RBFOX1: variants seen among roughly 807,000 people sequenced by gnomAD.
RBFOX1 encodes the protein RNA binding fox-1 homolog 1, also known as RNA binding protein fox-1 homolog 1.
A neutral mutation model predicts 57.7 loss-of-function variants in RBFOX1; 8 were observed. That is an observed-to-expected ratio of 0.14 (90% CI 0.08 to 0.25). The LOEUF (loss-of-function observed/expected upper bound fraction) is 0.25. Ranked by LOEUF, RBFOX1 falls within the 10% of genes least tolerant of loss-of-function variation. The probability of loss-of-function intolerance (pLI) is 1.00; values close to 1 mark genes in which losing one functional copy is unlikely to be tolerated. For missense variants in RBFOX1, 611 were observed against 548.5 expected, an observed-to-expected ratio of 1.11 and a Z score of -1.14; for synonymous variants, 326 against 222.4, an observed-to-expected ratio of 1.47 and a Z score of -4.15.
chr16:6,949,998 G>C (rs1287585194), intron 3 of RBFOX1, among the ~76,000 whole-genome samples: 1 of 151,372 alleles, frequency 6.6e-6, no homozygotes, highest in Non-Finnish European at 1.5e-5. Context: ...CCAGGCTGGA[G>C]TGCAGTGGTG....
chr16:5,542,249 T>C (rs2044987538), intron 2 of RBFOX1, among the ~76,000 whole-genome samples: 2 of 56,398 alleles, frequency 3.5e-5, no homozygotes, highest in South Asian at 8.3e-4. Context: ...TATTGATTTT[T>C]TTTTTTTTTT....
intron 4 of RBFOX1, among the ~76,000 whole-genome samples, chr16:7,429,090 C>T (rs1010966720): frequency 1.3e-5 from 2 of 152,126 alleles, no homozygotes; most frequent in Non-Finnish European, 2.9e-5. Flanking sequence ...TGGAGAGGAC[C>T]CGACTCCAGA....
Position 7,192,435 on chromosome 16 carries a change from G to T in RBFOX1, c.27+140337G>T, listed in dbSNP as rs900087841. On this transcript the variant is annotated intron_variant, in intron 4 of 15. Transcript: ENST00000550418. Reference sequence around the variant, plus strand: ...CTCAAATGCCTATAGAGGCCAGAAGGGTCCCTTCAATGGAGATTATAATAC... The same window carrying T: ...CTCAAATGCCTATAGAGGCCAGAAGTGTCCCTTCAATGGAGATTATAATAC... 3.3e-5 allele frequency among the ~76,000 whole-genome samples: 5 copies of T among 152,078 alleles called. No individual in the cohort carries two copies. In the East Asian group the frequency reaches 9.6e-4, roughly 29 times the overall value.
chr16:7,063,342 G>A (rs1263617996), intron 4 of RBFOX1, among the ~76,000 whole-genome samples: 1 of 152,060 alleles, frequency 6.6e-6, no homozygotes, highest in Admixed American at 6.6e-5. Context: ...TAAAGGATCT[G>A]TATCAGTATC....
At chr16:6,096,026 G>C (rs1209200563) in intron 1 of RBFOX1, among the ~76,000 whole-genome samples, 1 of 152,222 alleles carries the variant, frequency 6.6e-6, no homozygotes, top group Admixed American at 6.5e-5. Flanking sequence ...CAGAGTTTAA[G>C]ACGATGGAGA....
chr16:6,856,357 G>A (rs762097338), intron 3 of RBFOX1, among the ~76,000 whole-genome samples: 1 of 152,094 alleles, frequency 6.6e-6, no homozygotes, highest in Non-Finnish European at 1.5e-5. Flanking sequence ...TGAGTAACTA[G>A]GATGATGAGT....
intron 2 of RBFOX1, among the ~76,000 whole-genome samples, chr16:6,523,519 C>A (rs1362706180): frequency 6.6e-6 from 1 of 152,124 alleles, no homozygotes; most frequent in African/African-American, 2.4e-5. Flanking sequence ...TCACTATCAC[C>A]CTATGCTAAC....
chr16:7,281,958 TG>T (rs1169056291), intron 4 of RBFOX1, among the ~76,000 whole-genome samples: 1 of 152,162 alleles, frequency 6.6e-6, no homozygotes, highest in Admixed American at 6.5e-5. Context: ...CTCTACCTCC[TG>T]GGCTCCAGCA....
intron 1 of RBFOX1, among the ~76,000 whole-genome samples, chr16:6,084,790 A>G (rs916370090): frequency 2.6e-5 from 4 of 152,102 alleles, no homozygotes; most frequent in African/African-American, 9.7e-5. Context: ...GTTTTGCAGG[A>G]CAAACGTCTT....
At chr16:6,764,424 G>A (rs929343350) in intron 3 of RBFOX1, among the ~76,000 whole-genome samples, 1 of 152,160 alleles carries the variant, frequency 6.6e-6, no homozygotes, top group Non-Finnish European at 1.5e-5. Context: ...TTACCAGCAG[G>A]TAATGCAGGT....
At chr16:7,092,204 T>G (rs2060976950) in intron 4 of RBFOX1, among the ~76,000 whole-genome samples, 1 of 152,208 alleles carries the variant, frequency 6.6e-6, no homozygotes, top group African/African-American at 2.4e-5. Flanking sequence ...TACCACTGTT[T>G]TATTAGTAGG....
intron 2 of RBFOX1, among the ~76,000 whole-genome samples, chr16:5,573,196 G>C (rs916468141): frequency 6.6e-6 from 1 of 152,200 alleles, no homozygotes; most frequent in Admixed American, 6.5e-5. Flanking sequence ...AAGACTGTTA[G>C]GGTTGACTCC....
At chr16:6,674,228 G>C (rs2098786279) in intron 3 of RBFOX1, among the ~76,000 whole-genome samples, 1 of 152,178 alleles carries the variant, frequency 6.6e-6, no homozygotes, top group African/African-American at 2.4e-5. Flanking sequence ...TTTATTTAGA[G>C]ATAGGGTCTT....
At chr16:7,165,043 T>A (rs1027588704) in intron 4 of RBFOX1, among the ~76,000 whole-genome samples, 10 of 152,148 alleles carry the variant, frequency 6.6e-5, no homozygotes. Context: ...AGCTTCTGGG[T>A]CATAAAGGAG....
At chr16:7,251,531 C>A (rs367996087) in intron 4 of RBFOX1, among the ~76,000 whole-genome samples, 2 of 151,446 alleles carry the variant, frequency 1.3e-5, no homozygotes, top group African/African-American at 4.9e-5. Flanking sequence ...CTGCCTCAGA[C>A]TCCCAAGTAG....
intron 3 of RBFOX1, among the ~76,000 whole-genome samples, chr16:6,958,260 C>T (rs578039292): frequency 6.6e-6 from 1 of 152,302 alleles, no homozygotes; most frequent in South Asian, 2.1e-4. Context: ...CGTTAGCAGG[C>T]TGGGCAATGC....
intron 2 of RBFOX1, among the ~76,000 whole-genome samples, chr16:5,597,649 C>T (rs1283756433): frequency 6.6e-6 from 1 of 152,082 alleles, no homozygotes; most frequent in Non-Finnish European, 1.5e-5. Context: ...ATCTGTCCGC[C>T]TCGGCCTTGC....
intron 3 of RBFOX1, among the ~76,000 whole-genome samples, chr16:6,847,756 A>C (rs2093835441): frequency 1.3e-5 from 2 of 152,132 alleles, no homozygotes; most frequent in Admixed American, 1.3e-4. Context: ...ATTCTGTTTT[A>C]AAACAGTCAC....
intron 4 of RBFOX1, among the ~76,000 whole-genome samples, chr16:5,890,392 T>C (rs757991561): frequency 1.3e-5 from 2 of 152,092 alleles, no homozygotes; most frequent in Non-Finnish European, 2.9e-5. Context: ...GATTTTGCCA[T>C]GAAGTCCCAG....
Sources: allele counts gnomAD v4.1 joint callset (sites outside exome capture counted in the v4.1 genomes callset), GRCh38; gene constraint gnomAD v4.1.1; transcripts MANE v1.5; gene names NCBI Gene and HGNC (gene_info 2026-07-23, HGNC 2026-07-21).